The following ZNF277 variants were observed in gnomAD, a reference collection of about 807,000 sequenced individuals.
ZNF277 encodes zinc finger protein 277.
A neutral mutation model predicts 60.7 loss-of-function variants in ZNF277; 55 were observed. The ratio of observed to expected loss-of-function variants is 0.91; its 90% CI spans 0.73 to 1.13. The LOEUF (loss-of-function observed/expected upper bound fraction) is 1.13. Ranked by LOEUF, ZNF277 falls within the 50% of genes most tolerant of loss-of-function variation. The pLI, the probability that ZNF277 is intolerant of heterozygous loss-of-function variation, is 0.00. For missense variants in ZNF277, 510 were observed against 523.0 expected, an observed-to-expected ratio of 0.98 and a Z score of 0.24; for synonymous variants, 178 against 179.3, an observed-to-expected ratio of 0.99 and a Z score of 0.06.
chr7:112,253,724 G>A (rs1486791588), intron 1 of ZNF277, among the ~76,000 whole-genome samples: 25 of 152,088 alleles, frequency 1.6e-4, no homozygotes, highest in Admixed American at 1.6e-3. Context: ...TCAAAAAGAT[G>A]TTTTTGTTTT....
At chr7:112,319,815 T>C (rs1792936031) in intron 5 of ZNF277, among the ~76,000 whole-genome samples, 1 of 151,800 alleles carries the variant, frequency 6.6e-6, no homozygotes, top group South Asian at 2.1e-4. Context: ...CCAAGGCCAC[T>C]GATCGTACTT....
At chr7:112,281,099 G>C (rs1406746744) in intron 1 of ZNF277, among the ~76,000 whole-genome samples, 4 of 152,314 alleles carry the variant, frequency 2.6e-5, no homozygotes, top group East Asian at 1.9e-4. Context: ...GCAAGGCCAT[G>C]TCACCTAATT....
intron 6 of ZNF277, among the ~76,000 whole-genome samples, chr7:112,329,140 A>G (rs1232284821): frequency 6.6e-6 from 1 of 152,214 alleles, no homozygotes. Context: ...ATTCTTTGGC[A>G]TAAGAAATTG....
At chr7:112,239,694 G>T (rs1257779443) in intron 1 of ZNF277, among the ~76,000 whole-genome samples, 1 of 152,186 alleles carries the variant, frequency 6.6e-6, no homozygotes, top group African/African-American at 2.4e-5. Context: ...CAGTCTGAAA[G>T]AAAAGGATGT....
intron 6 of ZNF277, 83 bp downstream of exon 6, chr7:112,327,910 A>G: frequency 1.1e-6 from 1 of 909,096 alleles, no homozygotes; most frequent in Non-Finnish European, 1.6e-6. Context: ...AATTTAATAG[A>G]GTAATTAAAG....
At chr7:112,271,068 T>A (rs1791658050) in intron 1 of ZNF277, among the ~76,000 whole-genome samples, 1 of 152,170 alleles carries the variant, frequency 6.6e-6, no homozygotes, top group Non-Finnish European at 1.5e-5. Context: ...CATTAGGATG[T>A]CATTTTCAGT....
intron 1 of ZNF277, among the ~76,000 whole-genome samples, chr7:112,240,413 G>T (rs986786909): frequency 1.3e-5 from 2 of 152,080 alleles, no homozygotes; most frequent in African/African-American, 2.4e-5. Context: ...ATAACTAAAA[G>T]ATATAATTGG....
chr7:112,327,267 T>C (rs1424870454), intron 5 of ZNF277, among the ~76,000 whole-genome samples: 1 of 152,214 alleles, frequency 6.6e-6, no homozygotes, highest in Non-Finnish European at 1.5e-5. Context: ...TAGATTCTCA[T>C]AAGAAGTACA....
chr7:112,342,842 C>T lies in ZNF277; in HGVS notation c.*113C>T. 8.2e-6 allele frequency: 7 copies of T among 855,390 alleles called. No homozygotes were observed. Among genetic ancestry groups the T allele is most frequent in the Non-Finnish European group, 1.1e-5 (7 of 628,486 alleles). The allele number at this position is 855,390 out of a possible 1,614,324, so 53.0% of individuals were successfully genotyped here. A position where few individuals can be genotyped will look rare whatever the true frequency, so the allele number is the denominator to read the frequency against. ...TTTGAACATCAACAAAAGATTGGTCCTTGGTGAAATAAACTTTTCAAAAAT... is the reference window on the plus strand; with the variant it reads ...TTTGAACATCAACAAAAGATTGGTCTTTGGTGAAATAAACTTTTCAAAAAT... On this transcript the variant is annotated 3_prime_UTR_variant, in exon 12 of 12. Coordinates refer to ENST00000361822, the MANE Select transcript of ZNF277 (RefSeq NM_021994.3).
chr7:112,258,850 A>C (rs1217807781), intron 1 of ZNF277, among the ~76,000 whole-genome samples: 1 of 152,030 alleles, frequency 6.6e-6, no homozygotes, highest in Non-Finnish European at 1.5e-5. Context: ...TTTTGTCTAC[A>C]TATTTACCCT....
intron 4 of ZNF277, among the ~76,000 whole-genome samples, chr7:112,304,552 C>G (rs141688900): frequency 8.7e-4 from 133 of 152,180 alleles, no homozygotes; most frequent in African/African-American, 2.9e-3. Context: ...TTCCATTTTA[C>G]TTTATTAACC....
chr7:112,274,684 A>G (rs976583760), intron 1 of ZNF277, among the ~76,000 whole-genome samples: 1 of 152,212 alleles, frequency 6.6e-6, no homozygotes, highest in African/African-American at 2.4e-5. Flanking sequence ...GGCATCAGAT[A>G]GGTGATTTAC....
intron 1 of ZNF277, among the ~76,000 whole-genome samples, chr7:112,261,347 T>G (rs2117024580): frequency 6.6e-6 from 1 of 152,340 alleles, no homozygotes; most frequent in Middle Eastern, 3.4e-3. Context: ...CAATTTGGTT[T>G]TCAGCTTATT....
At chr7:112,322,748 T>TC (rs1399763339) in intron 5 of ZNF277, among the ~76,000 whole-genome samples, 1 of 152,108 alleles carries the variant, frequency 6.6e-6, no homozygotes, top group African/African-American at 2.4e-5. Context: ...TCTGCTTTCT[T>TC]CCCCCATGTA....
chr7:112,258,666 A>T (rs1367654202), intron 1 of ZNF277, among the ~76,000 whole-genome samples: 1 of 152,014 alleles, frequency 6.6e-6, no homozygotes, highest in Non-Finnish European at 1.5e-5. Flanking sequence ...TTACTTTTTT[A>T]TTGGGTGATT....
intron 1 of ZNF277, among the ~76,000 whole-genome samples, chr7:112,211,407 C>T (rs1369293057): frequency 6.6e-6 from 1 of 152,212 alleles, no homozygotes; most frequent in African/African-American, 2.4e-5. Context: ...CTAACCCTCA[C>T]CATTACTGCT....
At chr7:112,217,731 A>G (rs1369967647) in intron 1 of ZNF277, among the ~76,000 whole-genome samples, 2 of 152,214 alleles carry the variant, frequency 1.3e-5, no homozygotes, top group African/African-American at 4.8e-5. Flanking sequence ...CAGATTAAAA[A>G]TTATGGTTTA....
At chr7:112,313,479 TCCCTATGTTG>T (rs1381821929) in intron 4 of ZNF277, among the ~76,000 whole-genome samples, 1 of 151,950 alleles carries the variant, frequency 6.6e-6, no homozygotes, top group African/African-American at 2.4e-5. Flanking sequence ...GATGGGGGTC[TCCCTATGTTG>T]CCCAGGCTGT....
intron 1 of ZNF277, among the ~76,000 whole-genome samples, chr7:112,240,349 A>G (rs1403249534): frequency 6.6e-6 from 1 of 152,230 alleles, no homozygotes; most frequent in African/African-American, 2.4e-5. Context: ...AATAAGATGT[A>G]GTATTTGATA....
Sources: allele counts gnomAD v4.1 joint callset (sites outside exome capture counted in the v4.1 genomes callset), GRCh38; gene constraint gnomAD v4.1.1; transcripts MANE v1.5; gene names NCBI Gene and HGNC (gene_info 2026-07-23, HGNC 2026-07-21).